MCPH1: variants seen among roughly 807,000 people sequenced by gnomAD.
MCPH1 encodes the protein microcephalin.
In MCPH1, 104 loss-of-function variants were observed where a neutral mutation model predicts 84.5. The observed-to-expected ratio is 1.23, with a 90% CI of 1.05 to 1.45. The LOEUF (loss-of-function observed/expected upper bound fraction) is 1.45, where lower values mean the gene tolerates loss of function less well. MCPH1 is among the 40% of genes most tolerant of loss of function. The pLI is 0.00. For missense variants in MCPH1, 1,498 were observed against 1,005.7 expected (o/e 1.49, Z -6.62); for synonymous variants, 514 against 366.8 (o/e 1.40, Z -4.58).
chr8:6,488,482 T>A (rs1484623101), intron 11 of MCPH1, among the ~76,000 whole-genome samples: 3 of 152,234 alleles, frequency 2.0e-5, no homozygotes, highest in Non-Finnish European at 4.4e-5. Context: ...CACCCTGAGA[T>A]GCAACCACAG....
chr8:6,409,428 A>G (rs1005957917), intron 2 of MCPH1, 58 bp downstream of exon 2: 1 of 1,366,620 alleles, frequency 7.3e-7, no homozygotes, highest in Non-Finnish European at 1.0e-6. Context: ...GTAAAAAGTT[A>G]CATTTGCATT....
intron 8 of MCPH1, among the ~76,000 whole-genome samples, chr8:6,451,260 A>G (rs1466432334): frequency 6.6e-6 from 1 of 152,126 alleles, no homozygotes; most frequent in Non-Finnish European, 1.5e-5. Flanking sequence ...GCTATTGACC[A>G]CTTAACTGTT....
At position 6,645,874 on chromosome 8, in the gene MCPH1, A is replaced by C. The variant is rs1311294300; in HGVS notation, c.*2825A>C. 2.6e-5 allele frequency: 4 copies of C among 152,192 alleles called. No individual in the cohort carries two copies. The highest frequency in any genetic ancestry group is 4.4e-5 in the Non-Finnish European group (3 of 68,036). The allele number at this position is 152,192 out of a possible 1,614,324, so 9.4% of individuals were successfully genotyped here. A position where few individuals can be genotyped will look rare whatever the true frequency, so the allele number is the denominator to read the frequency against. On this transcript the variant is annotated 3_prime_UTR_variant, in exon 14 of 14. Coordinates refer to ENST00000344683, the MANE Select transcript of MCPH1 (RefSeq NM_024596.5). ...AAAACATTGCTGAAAGAAGTTAAAG[A>C]CTTCTTTAAATAGAGACATATACAA...
At chr8:6,615,095 T>C (rs190152126) in intron 12 of MCPH1, among the ~76,000 whole-genome samples, 209 of 152,332 alleles carry the variant, frequency 1.4e-3, no homozygotes, top group African/African-American at 4.8e-3. Context: ...CATGTGAATG[T>C]TTTAGCAAGT....
chr8:6,500,953 A>G (rs1812057812), intron 12 of MCPH1: 1 of 152,226 alleles, frequency 6.6e-6, no homozygotes, highest in Admixed American at 6.5e-5. Context: ...CTAAGTATCC[A>G]TCACTCTTGT....
intron 11 of MCPH1, among the ~76,000 whole-genome samples, chr8:6,498,246 A>C (rs1563290378): frequency 6.6e-6 from 1 of 152,218 alleles, no homozygotes; most frequent in Non-Finnish European, 1.5e-5. Context: ...ATGTTGGGCC[A>C]ACCTTTTGTT....
At chr8:6,573,646 GA>G (rs79031630) in intron 12 of MCPH1, among the ~76,000 whole-genome samples, 38,863 of 152,032 alleles carry the variant, frequency 0.26, 6,951 homozygotes, top group African/African-American at 0.51. Context: ...GAGTGGTTCA[GA>G]CAGAAGACAA....
At chr8:6,622,242 G>C (rs981671613) in intron 13 of MCPH1, 3 of 171,370 alleles carry the variant, frequency 1.8e-5, no homozygotes, top group African/African-American at 7.1e-5. Context: ...GGCGTTCATG[G>C]AGCTGCGCCA....
intron 12 of MCPH1, among the ~76,000 whole-genome samples, chr8:6,576,867 A>G (rs1827170592): frequency 6.6e-6 from 1 of 151,800 alleles, no homozygotes; most frequent in Non-Finnish European, 1.5e-5. Context: ...TGCCTGGCCT[A>G]CTGTCTTCTC....
chr8:6,538,000 T>G (rs1405397702), intron 12 of MCPH1, among the ~76,000 whole-genome samples: 3 of 152,148 alleles, frequency 2.0e-5, no homozygotes, highest in Non-Finnish European at 4.4e-5. Context: ...GACCTTGAAT[T>G]TTCTGGTAAA....
chr8:6,549,268 G>A (rs901335571), intron 12 of MCPH1, among the ~76,000 whole-genome samples: 5 of 152,264 alleles, frequency 3.3e-5, no homozygotes, highest in African/African-American at 1.2e-4. Context: ...GCGAAACACT[G>A]CACGGTGATG....
At chr8:6,432,430 G>T (rs1276526200) in intron 4 of MCPH1, among the ~76,000 whole-genome samples, 2 of 152,220 alleles carry the variant, frequency 1.3e-5, no homozygotes, top group South Asian at 2.1e-4. Context: ...TCTGGAACTT[G>T]CAGATACAGA....
rs7017210 is a variant in MCPH1, at chr8:6,621,639, C to A, written c.2400C>A (p.Tyr800Ter). The A allele has an allele frequency of 3.1e-6, 5 of 1,614,226 alleles. No individual in the cohort carries two copies. The highest frequency in any genetic ancestry group is 1.1e-5 in the South Asian group (1 of 91,090). The change falls in exon 13 of 14, where the codon TAC (tyrosine) becomes TAA (stop). Residue 800 changes from tyrosine to a stop codon, truncating the protein, a stop_gained. Coordinates refer to ENST00000344683, the MANE Select transcript of MCPH1 (RefSeq NM_024596.5). LOFTEE classifies it high-confidence loss of function. ...PRQASIVIGP[Y>*]SGKKKATVKY... ...AGGCCAGCATCGTCATCGGGCCCTA[C>A]AGCGGAAAGAAGAAAGCCACAGTCA...
rs906353246 is a variant in MCPH1 at position 6,499,690 on chromosome 8, A to C, written c.2137-162A>C. The C allele has an allele frequency of 7.9e-6, 5 of 634,810 alleles. No homozygotes were observed. In the Admixed American group the frequency reaches 1.0e-4, roughly 13 times the overall value. The allele number at this position is 634,810 out of a possible 1,614,324, so 39.3% of individuals were successfully genotyped here. On this transcript the variant is annotated intron_variant, in intron 11 of 13. Transcript: ENST00000344683. ...CTTTTTATTAATATTCATAACATTT[A>C]TGCAACATGAAGATTCTGAAGGGAC...
At chr8:6,586,279 G>A (rs1198236115) in intron 12 of MCPH1, among the ~76,000 whole-genome samples, 3 of 152,066 alleles carry the variant, frequency 2.0e-5, no homozygotes, top group East Asian at 1.9e-4. Context: ...CTTTAAAACC[G>A]GCAGCTGGGC....
rs537113455 is a variant in MCPH1 at position 6,421,506 on chromosome 8, AT to A, written c.233+6632del. 3.0e-3 allele frequency among the ~76,000 whole-genome samples: 445 copies of A among 150,460 alleles called. 4 individuals carry two copies. Among genetic ancestry groups the A allele is most frequent in the African/African-American group, 0.01 (420 of 41,098 alleles). The stretch of plus-strand genomic sequence containing the variant: ...CCAAATCCACCCTGCCATACTGTTT[AT>A]TTTTTTTTAATGGCCCATGAGGTAA... On this transcript the variant is annotated intron_variant, in intron 3 of 13. Coordinates refer to ENST00000344683, the MANE Select transcript of MCPH1 (RefSeq NM_024596.5).
At chr8:6,549,273 G>A (rs1823160200) in intron 12 of MCPH1, among the ~76,000 whole-genome samples, 1 of 152,204 alleles carries the variant, frequency 6.6e-6, no homozygotes, top group Non-Finnish European at 1.5e-5. Context: ...ACACTGCACG[G>A]TGATGGAAAA....
chr8:6,410,616 C>T (rs1407752114), intron 2 of MCPH1, among the ~76,000 whole-genome samples: 1 of 152,186 alleles, frequency 6.6e-6, no homozygotes, highest in Non-Finnish European at 1.5e-5. Flanking sequence ...CCCACGCACA[C>T]TAAACCGATC....
intron 12 of MCPH1, among the ~76,000 whole-genome samples, chr8:6,505,084 G>T (rs1021604564): frequency 8.5e-6 from 1 of 118,042 alleles, no homozygotes; most frequent in Non-Finnish European, 1.9e-5. Flanking sequence ...AATTAACCTC[G>T]ACCCAAGCGT....
Sources: gnomAD v4.1 joint callset for allele counts (sites outside exome capture counted in the v4.1 genomes callset) on GRCh38, gnomAD v4.1.1 for gene constraint, MANE v1.5 for transcripts, NCBI Gene and HGNC (gene_info 2026-07-23, HGNC 2026-07-21) for gene names.